The following PRKD3 variants were observed in gnomAD, a reference collection of about 807,000 sequenced individuals.
PRKD3 encodes the protein serine/threonine-protein kinase D3.
In PRKD3, 47 loss-of-function variants were observed where a neutral mutation model predicts 99.2. That is an observed-to-expected ratio of 0.47 (90% CI 0.38 to 0.60). The LOEUF (loss-of-function observed/expected upper bound fraction) is 0.60, where lower values mean the gene tolerates loss of function less well. Among genes scored for constraint, PRKD3 ranks in the 20% least tolerant of loss-of-function variants. PRKD3 has a pLI of 0.00. For synonymous variants in PRKD3, 392 were observed against 355.4 expected, an observed-to-expected ratio of 1.10 and a Z score of -1.16; for missense variants, 1,019 against 1,088.4, an observed-to-expected ratio of 0.94 and a Z score of 0.90.
chr2:37,265,177 C>T (rs1668753317), intron 14 of PRKD3, among the ~76,000 whole-genome samples: 1 of 151,974 alleles, frequency 6.6e-6, no homozygotes, highest in African/African-American at 2.4e-5. Flanking sequence ...GTAAGAATGA[C>T]ACGGGGCAAA....
chr2:37,281,076 G>A (rs1442144374), intron 7 of PRKD3, among the ~76,000 whole-genome samples: 1 of 152,144 alleles, frequency 6.6e-6, no homozygotes, highest in Non-Finnish European at 1.5e-5. Context: ...GCACTACCTA[G>A]GATGGTTGTA....
At chr2:37,319,675 C>T (rs181287866) in intron 1 of PRKD3, among the ~76,000 whole-genome samples, 26 of 151,740 alleles carry the variant, frequency 1.7e-4, no homozygotes, top group African/African-American at 5.6e-4. Flanking sequence ...CATCAGCATC[C>T]GTCTGTATAC....
chr2:37,279,783 C>T lies in PRKD3; in HGVS notation c.1135G>A (p.Asp379Asn), dbSNP rs139524899. Reference protein sequence around the residue: ...KMFFLDPSDLDVERDEEAVKT... With the variant: ...KMFFLDPSDLNVERDEEAVKT... ...ACGGCTTCTTCATCTCTTTCCACAT[C>T]GAGATCAGATGGATCCAAGAAGAAC... is the stretch of plus-strand genomic sequence containing the variant. The change falls in exon 8 of 19, where the codon GAT becomes AAT. Residue 379 changes from aspartate to asparagine, a missense_variant. By Grantham distance (23) the Asp-to-Asn change is conservative. This residue lies in a region of PRKD3 where 710 missense variants were observed against 692.7 expected (regional missense o/e 1.02). Transcript: ENST00000234179. The T allele has an allele frequency of 2.9e-4, 470 of 1,613,430 alleles. No homozygotes were observed. The highest frequency in any genetic ancestry group is 3.7e-4 in the Non-Finnish European group (442 of 1,179,852).
In PRKD3 at chr2:37,253,138, A is replaced by G. The variant is rs1272891328; in HGVS notation, c.*39T>C. On this transcript the variant is annotated 3_prime_UTR_variant, in exon 19 of 19. Coordinates refer to ENST00000234179, the MANE Select transcript of PRKD3 (RefSeq NM_005813.6). ...AAGTTACACAGCAAAATATCAGTCC[A>G]TAAAATGAAATCCTTCCTTATTTAG... The G allele has an allele frequency of 6.5e-7, 1 of 1,541,966 alleles. No individual in the cohort carries two copies.
chr2:37,306,947 G>A (rs771140155), intron 2 of PRKD3, among the ~76,000 whole-genome samples: 18 of 152,204 alleles, frequency 1.2e-4, no homozygotes, highest in Non-Finnish European at 1.8e-4. Context: ...GGTACTAAAA[G>A]AGAGACATTG....
intron 17 of PRKD3, among the ~76,000 whole-genome samples, chr2:37,255,217 G>A (rs1430755019): frequency 1.3e-5 from 2 of 152,110 alleles, no homozygotes; most frequent in Non-Finnish European, 2.9e-5. Context: ...TCATTACCAA[G>A]CAAACCTGCT....
At chr2:37,317,282 C>T (rs1671706690) in intron 1 of PRKD3, 103 bp from the exon 2 acceptor site, 27 of 451,428 alleles carry the variant, frequency 6.0e-5, no homozygotes, top group Non-Finnish European at 7.9e-5. Flanking sequence ...TGGTCATATG[C>T]TTATAATTCA....
chr2:37,298,230 G>A (rs1477777984), intron 2 of PRKD3, among the ~76,000 whole-genome samples: 2 of 152,070 alleles, frequency 1.3e-5, no homozygotes, highest in Non-Finnish European at 2.9e-5. Flanking sequence ...CTCATTAACC[G>A]TCCTGTAGTC....
chr2:37,280,033 T>A, intron 7 of PRKD3, 104 bp from the exon 8 acceptor site: 1 of 743,140 alleles, frequency 1.3e-6, no homozygotes, highest in Non-Finnish European at 2.1e-6. Flanking sequence ...AATATCTTTA[T>A]GAGTTAAGTA....
chr2:37,298,323 A>C (rs1670762842), intron 2 of PRKD3, among the ~76,000 whole-genome samples: 1 of 151,752 alleles, frequency 6.6e-6, no homozygotes, highest in Admixed American at 6.6e-5. Flanking sequence ...CCTTCATTTT[A>C]CACAAATGGC....
intron 9 of PRKD3, among the ~76,000 whole-genome samples, chr2:37,277,206 T>C (rs1454616298): frequency 6.6e-6 from 1 of 152,188 alleles, no homozygotes; most frequent in African/African-American, 2.4e-5. Flanking sequence ...CAGACACTGT[T>C]CCAAGATCTT....
At chr2:37,301,554 C>T (rs575795207) in intron 2 of PRKD3, among the ~76,000 whole-genome samples, 6 of 152,188 alleles carry the variant, frequency 3.9e-5, no homozygotes, top group Admixed American at 2.0e-4. Flanking sequence ...TAGCCTCAGC[C>T]TCCCAAAGTG....
chr2:37,261,670 C>T (rs1033143424), intron 14 of PRKD3, among the ~76,000 whole-genome samples: 2 of 152,100 alleles, frequency 1.3e-5, no homozygotes, highest in Non-Finnish European at 2.9e-5. Flanking sequence ...ATCCCAGCTA[C>T]TCGGGAGGCT....
In PRKD3 at chr2:37,260,249, G is replaced by C; in HGVS notation, c.2020C>G (p.Arg674Gly). ...TGTGTGACCATGAATTTAGTAATTC[G>C]TTCTGGAAGCCGACTTTTCTCACTG... is the stretch of plus-strand genomic sequence containing the variant. ...LSSEKSRLPE[R>G]ITKFMVTQIL... Residue 674 changes from arginine (R) to glycine (G), a missense_variant, in exon 15 of 19, where the codon CGA becomes GGA. Physicochemically the swap from Arg to Gly is moderately radical, Grantham distance 125. Transcript: ENST00000234179. 6.2e-7 allele frequency: 1 copy of C among 1,610,082 alleles called. No individual in the cohort carries two copies. Among genetic ancestry groups the C allele is most frequent in the Non-Finnish European group, 8.5e-7 (1 of 1,177,512 alleles).
chr2:37,291,646 T>C lies in PRKD3; in HGVS notation c.428-647A>G, dbSNP rs13412489. Among the ~76,000 whole-genome samples, 226 of 152,202 alleles carry C rather than the reference T, an allele frequency of 1.5e-3. 2 individuals are homozygous for C. Among genetic ancestry groups the C allele is most frequent in the African/African-American group, 5.1e-3 (210 of 41,518 alleles). On this transcript the variant is annotated intron_variant, in intron 3 of 18. Coordinates refer to ENST00000234179, the MANE Select transcript of PRKD3 (RefSeq NM_005813.6). ...AGAGGAGGGCAAGGATTGGGAAATATAGAGATGGTTTGGGGTTGTTGTATA... is the reference window on the plus strand; with the variant it reads ...AGAGGAGGGCAAGGATTGGGAAATACAGAGATGGTTTGGGGTTGTTGTATA...
intron 2 of PRKD3, among the ~76,000 whole-genome samples, chr2:37,310,581 A>C (rs1671381330): frequency 6.6e-6 from 1 of 152,214 alleles, no homozygotes; most frequent in South Asian, 2.1e-4. Context: ...TACTGTGGCC[A>C]TGATATCTGG....
chr2:37,253,568 G>A (rs1362997627), intron 18 of PRKD3, among the ~76,000 whole-genome samples: 1 of 152,024 alleles, frequency 6.6e-6, no homozygotes, highest in Non-Finnish European at 1.5e-5. Context: ...ATGAATGAAC[G>A]TAACTAATTT....
rs371696914 is a variant in PRKD3, at chr2:37,256,822, T to G, written c.2253A>C (p.Lys751Asn). 1.2e-6 allele frequency: 2 copies of G among 1,613,948 alleles called. No individual in the cohort carries two copies. The highest frequency in any genetic ancestry group is 8.5e-7 in the Non-Finnish European group (1 of 1,179,978). ...AYLAPEVLRSKGYNRSLDMWS... is the reference protein window; with the variant it reads ...AYLAPEVLRSNGYNRSLDMWS... The stretch of plus-strand genomic sequence containing the variant: ...ACATATCTAGGGAACGGTTGTAACC[T>G]TTGCTCCGGAGAACTTCAGGGGCTA... The change falls in exon 17 of 19, where the codon AAA (lysine) becomes AAC (asparagine). Residue 751 changes from lysine to asparagine, a missense_variant. Physicochemically the swap from Lys to Asn is moderately conservative, Grantham distance 94. Coordinates refer to ENST00000234179, the MANE Select transcript of PRKD3 (RefSeq NM_005813.6).
intron 2 of PRKD3, among the ~76,000 whole-genome samples, chr2:37,299,511 TACACACACACACACACACACACAC>T (rs70949749): frequency 1.5e-5 from 2 of 132,502 alleles, no homozygotes; most frequent in African/African-American, 6.0e-5. Context: ...TCTACTAAAA[TACACACACACACACACACACACAC>T]ACACACACAC....
Sources: allele counts gnomAD v4.1 joint callset (sites outside exome capture counted in the v4.1 genomes callset), GRCh38; gene constraint gnomAD v4.1.1; regional missense constraint gnomAD v4.1.1; transcripts MANE v1.5; gene names NCBI Gene and HGNC (gene_info 2026-07-23, HGNC 2026-07-21).